The following ARHGAP23 variants were observed in gnomAD, a reference collection of about 807,000 sequenced individuals.
ARHGAP23 encodes rho GTPase-activating protein 23.
In ARHGAP23, 34 loss-of-function variants were observed where a neutral mutation model predicts 136.3. The observed-to-expected ratio is 0.25, with a 90% confidence interval of 0.19 to 0.33. The LOEUF (loss-of-function observed/expected upper bound fraction) is 0.33, where lower values mean the gene tolerates loss of function less well. Ranked by LOEUF, ARHGAP23 falls within the 10% of genes least tolerant of loss-of-function variation. The pLI is 1.00. For missense variants in ARHGAP23, 1,808 were observed against 2,139.0 expected, an observed-to-expected ratio of 0.85 and a Z score of 3.05; for synonymous variants, 832 against 920.5, an observed-to-expected ratio of 0.90 and a Z score of 1.74.
At chr17:38,422,605 T>A (rs2038530541) in intron 1 of ARHGAP23, among the ~76,000 whole-genome samples, 1 of 152,146 alleles carries the variant, frequency 6.6e-6, no homozygotes, top group Admixed American at 6.5e-5. Context: ...TTGCTTACCC[T>A]GCTGCCAGCT....
chr17:38,419,820 T>A (rs906796206), intron 1 of ARHGAP23, among the ~76,000 whole-genome samples: 2 of 152,062 alleles, frequency 1.3e-5, no homozygotes, highest in African/African-American at 4.8e-5. Flanking sequence ...ATATGACTAC[T>A]GGTTCGTTGA....
upstream of ARHGAP23, among the ~76,000 whole-genome samples, chr17:38,427,729 G>A (rs373855723): frequency 9.9e-5 from 15 of 152,280 alleles, no homozygotes; most frequent in African/African-American, 3.6e-4. Flanking sequence ...GTGGGGGTCC[G>A]AAGGGCTGGG....
At chr17:38,505,219 G>A (rs1445038563) in intron 23 of ARHGAP23, among the ~76,000 whole-genome samples, 1 of 151,506 alleles carries the variant, frequency 6.6e-6, no homozygotes, top group East Asian at 1.9e-4. Flanking sequence ...CTTTGCGTAG[G>A]CTGTTCTTGA....
intron 6 of ARHGAP23, among the ~76,000 whole-genome samples, chr17:38,465,105 G>A (rs2039556647): frequency 6.6e-6 from 1 of 151,990 alleles, no homozygotes; most frequent in Non-Finnish European, 1.5e-5. Flanking sequence ...CTGGGGGTGG[G>A]CGGAGGCGGG....
chr17:38,479,354 G>C (rs977888777), intron 12 of ARHGAP23, 82 bp from the exon 13 acceptor site: 1 of 1,274,484 alleles, frequency 7.8e-7, no homozygotes, highest in African/African-American at 1.5e-5. Flanking sequence ...GTGGACAAGA[G>C]GGGAAGCAGG....
chr17:38,480,309 C>T (rs922819296), intron 14 of ARHGAP23, among the ~76,000 whole-genome samples: 15 of 152,120 alleles, frequency 9.9e-5, no homozygotes, highest in Non-Finnish European at 2.1e-4. Context: ...CAAGACCAGC[C>T]TGACCAACAT....
intron 22 of ARHGAP23, 60 bp downstream of exon 22, chr17:38,498,570 C>A: frequency 7.3e-7 from 1 of 1,362,350 alleles, no homozygotes; most frequent in South Asian, 1.5e-5. Flanking sequence ...TCCTGAGGGT[C>A]CCAGGTGCCT....
chr17:38,437,719 C>T (rs1228477103), intron 1 of ARHGAP23, among the ~76,000 whole-genome samples: 1 of 151,684 alleles, frequency 6.6e-6, no homozygotes, highest in Non-Finnish European at 1.5e-5. Context: ...CCTGGGAGGA[C>T]ACCCCTCACC....
intron 4 of ARHGAP23, 23 bp from the exon 5 acceptor site, chr17:38,463,095 A>G: frequency 6.5e-7 from 1 of 1,550,336 alleles, no homozygotes; most frequent in Non-Finnish European, 8.7e-7. Context: ...TTTGGTCACC[A>G]CTCATGCGCT....
rs1324589437 is a variant in ARHGAP23 at position 38,428,513 on chromosome 17, G to C, written c.28G>C (p.Gly10Arg). MNGVAFCLV[G>R]IPPRPEPRPP... ...GAATGGAGTCGCCTTCTGCCTGGTC[G>C]GGATCCCGCCCCGCCCGGAGCCCCG... Residue 10 changes from glycine to arginine, a missense_variant, in exon 1 of 24, where the codon GGG (glycine) becomes CGG (arginine). Coordinates refer to ENST00000622683, the MANE Select transcript of ARHGAP23 (RefSeq NM_001199417.2). The C allele has an allele frequency of 1.4e-5, 20 of 1,455,926 alleles. No individual in the cohort carries two copies. The Admixed American group carries it at 4.8e-4, about 35-fold the overall frequency. 90.2% of individuals were successfully genotyped at this position (1,455,926 alleles called of 1,614,324 possible).
At chr17:38,494,918 C>T (rs1172975830) in intron 20 of ARHGAP23, among the ~76,000 whole-genome samples, 1 of 152,130 alleles carries the variant, frequency 6.6e-6, no homozygotes, top group African/African-American at 2.4e-5. Flanking sequence ...TTGCAGAGTA[C>T]TTCTGGGCAC....
rs766896953 is a variant in ARHGAP23 at position 38,477,644 on chromosome 17, G to A, written c.2184G>A (p.Ser728=). 4.3e-5 allele frequency: 55 copies of A among 1,276,524 alleles called. No individual in the cohort carries two copies. The highest frequency in any genetic ancestry group is 9.2e-5 in the South Asian group (4 of 43,678). The allele number at this position is 1,276,524 out of a possible 1,614,324, so 79.1% of individuals were successfully genotyped here. Residue 728 remains serine (S), a synonymous_variant, in exon 12 of 24, where the codon TCG becomes TCA. Coordinates refer to ENST00000622683, the MANE Select transcript of ARHGAP23 (RefSeq NM_001199417.2). This position sits in a 1 kb window ranked among gnomAD's most constrained non-coding sequence, Gnocchi z 6.6. The part of the protein sequence containing the change: ...VYAALRARSL[S]LSKERREPGP... ...CCGCGCTGCGGGCGCGCTCGCTCTC[G>A]CTGAGCAAGGAGCGGCGGGAGCCCG...
Position 38,512,292 on chromosome 17 carries a change from C to T in ARHGAP23, c.*1320C>T, listed in dbSNP as rs1327771187. 6.6e-6 allele frequency: 1 copy of T among 152,246 alleles called. No homozygotes were observed. Among genetic ancestry groups the T allele is most frequent in the African/African-American group, 2.4e-5 (1 of 41,450 alleles). The allele number at this position is 152,246 out of a possible 1,614,324, so 9.4% of individuals were successfully genotyped here. ...ATGGCTCCTTTCACTGTGTCCTTGA[C>T]ACACCTCTCTGGCAACAACTAAAAT... On this transcript the variant is annotated 3_prime_UTR_variant, in exon 24 of 24. Transcript: ENST00000622683.
intron 1 of ARHGAP23, among the ~76,000 whole-genome samples, chr17:38,421,832 G>A (rs1395622702): frequency 6.6e-6 from 1 of 152,242 alleles, no homozygotes; most frequent in African/African-American, 2.4e-5. Context: ...TCGACGGGGA[G>A]GTGGGAGCCT....
intron 1 of ARHGAP23, among the ~76,000 whole-genome samples, chr17:38,433,433 C>A (rs2144496048): frequency 6.6e-6 from 1 of 152,226 alleles, no homozygotes; most frequent in Non-Finnish European, 1.5e-5. Flanking sequence ...AAAGTACTGA[C>A]CTTTATGGTC....
intron 1 of ARHGAP23, among the ~76,000 whole-genome samples, chr17:38,444,321 C>T (rs147448489): frequency 1.3e-5 from 2 of 151,956 alleles, no homozygotes; most frequent in South Asian, 2.1e-4. Context: ...GCCAGGCAGC[C>T]GAGATGTGCA....
At chr17:38,446,555 G>A (rs886781955) in intron 1 of ARHGAP23, among the ~76,000 whole-genome samples, 2 of 150,864 alleles carry the variant, frequency 1.3e-5, no homozygotes, top group African/African-American at 4.9e-5. Flanking sequence ...TTCAGTTGTT[G>A]TGGATATATA....
At chr17:38,464,092 A>G (rs1443330302) in intron 6 of ARHGAP23, among the ~76,000 whole-genome samples, 2 of 152,134 alleles carry the variant, frequency 1.3e-5, no homozygotes, top group South Asian at 4.1e-4. Flanking sequence ...CCCACGCCGC[A>G]CTATCACAAC....
chr17:38,492,874 G>A (rs1475197296), intron 20 of ARHGAP23, among the ~76,000 whole-genome samples: 1 of 152,228 alleles, frequency 6.6e-6, no homozygotes, highest in African/African-American at 2.4e-5. Flanking sequence ...GGAACCTCCC[G>A]TGAGGGTGTG....
Sources: gnomAD v4.1 joint callset for allele counts (sites outside exome capture counted in the v4.1 genomes callset) on GRCh38, gnomAD v4.1.1 for gene constraint, Gnocchi (gnomAD v3.1) non-coding constraint, MANE v1.5 for transcripts, NCBI Gene and HGNC (gene_info 2026-07-23, HGNC 2026-07-21) for gene names.